Variants in NOS1AP observed in about 807,000 individuals in gnomAD.
The protein encoded by NOS1AP is nitric oxide synthase 1 adaptor protein.
NOS1AP carries 21 observed loss-of-function variants against 56.2 expected under a neutral mutation model. The observed-to-expected ratio is 0.37, with a 90% CI of 0.26 to 0.54. NOS1AP has a LOEUF of 0.54. Among genes scored for constraint, NOS1AP ranks in the 20% least tolerant of loss-of-function variants. The probability of loss-of-function intolerance (pLI) is 0.84; values close to 1 mark genes in which losing one functional copy is unlikely to be tolerated. For missense variants in NOS1AP, 522 were observed against 657.8 expected (o/e 0.79, Z 2.26); for synonymous variants, 270 against 274.6 (o/e 0.98, Z 0.17).
chr1:162,152,861 A>C (rs570423363), intron 1 of NOS1AP, among the ~76,000 whole-genome samples: 3 of 152,280 alleles, frequency 2.0e-5, no homozygotes, highest in African/African-American at 7.2e-5. Flanking sequence ...TCCCGCACAG[A>C]TGTCGCAGTC....
chr1:162,140,353 G>A (rs938051799), intron 1 of NOS1AP, among the ~76,000 whole-genome samples: 2 of 80,926 alleles, frequency 2.5e-5, no homozygotes, highest in Non-Finnish European at 6.2e-5. Context: ...TGTTACATGG[G>A]TATACCCAAT....
chr1:162,299,877 C>T (rs1048049369), intron 3 of NOS1AP, among the ~76,000 whole-genome samples: 2 of 152,086 alleles, frequency 1.3e-5, no homozygotes, highest in South Asian at 2.1e-4. Flanking sequence ...CCCCTAGTCC[C>T]GGTGGGGGCT....
At chr1:162,072,551 A>T (rs1371075589) in intron 1 of NOS1AP, among the ~76,000 whole-genome samples, 3 of 152,200 alleles carry the variant, frequency 2.0e-5, no homozygotes, top group African/African-American at 7.2e-5. Context: ...GGGACCAAGG[A>T]TCCTTCTTTG....
chr1:162,186,665 T>C (rs1408634307), intron 2 of NOS1AP, among the ~76,000 whole-genome samples: 2 of 152,186 alleles, frequency 1.3e-5, no homozygotes, highest in Admixed American at 6.5e-5. Context: ...TTCACTCTCT[T>C]GGCTGTGTGA....
chr1:162,296,241 C>G (rs141089622), intron 3 of NOS1AP, among the ~76,000 whole-genome samples: 1 of 152,088 alleles, frequency 6.6e-6, no homozygotes, highest in Non-Finnish European at 1.5e-5. Context: ...GAGCCGAGAT[C>G]GCGCCACTGC....
chr1:162,290,078 A>G (rs925779917), intron 3 of NOS1AP, among the ~76,000 whole-genome samples: 2 of 152,212 alleles, frequency 1.3e-5, no homozygotes, highest in Non-Finnish European at 2.9e-5. Context: ...AGGCTGGAGT[A>G]GCATCTCCCT....
intron 2 of NOS1AP, among the ~76,000 whole-genome samples, chr1:162,192,198 A>G (rs1651668858): frequency 6.6e-6 from 1 of 152,182 alleles, no homozygotes. Context: ...GTGTTTGACA[A>G]GCCCTCCAGG....
intron 2 of NOS1AP, among the ~76,000 whole-genome samples, chr1:162,163,803 C>T (rs1650345123): frequency 6.6e-6 from 1 of 152,094 alleles, no homozygotes; most frequent in Non-Finnish European, 1.5e-5. Flanking sequence ...GAGAATCACA[C>T]CTCAGGAGAA....
At chr1:162,135,027 CAACT>C (rs1409897386) in intron 1 of NOS1AP, among the ~76,000 whole-genome samples, 2 of 152,320 alleles carry the variant, frequency 1.3e-5, no homozygotes, top group African/African-American at 4.8e-5. Flanking sequence ...TCTATCCAAC[CAACT>C]ATTTATCCTT....
intron 1 of NOS1AP, among the ~76,000 whole-genome samples, chr1:162,145,612 G>T (rs1448685848): frequency 6.6e-6 from 1 of 152,156 alleles, no homozygotes; most frequent in Non-Finnish European, 1.5e-5. Flanking sequence ...GCTCAGCTGT[G>T]CACAAGAGCA....
chr1:162,156,839 T>C (rs1649997105), intron 2 of NOS1AP, among the ~76,000 whole-genome samples: 1 of 152,152 alleles, frequency 6.6e-6, no homozygotes, highest in South Asian at 2.1e-4. Flanking sequence ...AAATAGAACC[T>C]TGGGTGGGTT....
At chr1:162,271,394 T>C (rs1421537767) in intron 2 of NOS1AP, among the ~76,000 whole-genome samples, 1 of 151,978 alleles carries the variant, frequency 6.6e-6, no homozygotes, top group Non-Finnish European at 1.5e-5. Context: ...AAATAACTTA[T>C]GGAAAGAAAG....
intron 2 of NOS1AP, among the ~76,000 whole-genome samples, chr1:162,195,509 A>G (rs1259787315): frequency 6.6e-6 from 1 of 152,234 alleles, no homozygotes; most frequent in Non-Finnish European, 1.5e-5. Flanking sequence ...AAATAAATAC[A>G]TGATCAAAAT....
chr1:162,158,850 G>T (rs1650080357), intron 2 of NOS1AP, among the ~76,000 whole-genome samples: 1 of 152,212 alleles, frequency 6.6e-6, no homozygotes, highest in Non-Finnish European at 1.5e-5. Context: ...AGGATCCAAA[G>T]GTCTGAGAAG....
chr1:162,159,997 G>C (rs1038617437), intron 2 of NOS1AP, among the ~76,000 whole-genome samples: 1 of 152,184 alleles, frequency 6.6e-6, no homozygotes, highest in Non-Finnish European at 1.5e-5. Flanking sequence ...TGAGGCTGGA[G>C]ACTTGATTTC....
At chr1:162,077,866 C>A (rs935894688) in intron 1 of NOS1AP, among the ~76,000 whole-genome samples, 1 of 152,134 alleles carries the variant, frequency 6.6e-6, no homozygotes, top group Non-Finnish European at 1.5e-5. Flanking sequence ...AGTACTCCAC[C>A]CTCTGCAGTA....
At chr1:162,267,697 A>G (rs1444012278) in intron 2 of NOS1AP, among the ~76,000 whole-genome samples, 2 of 152,216 alleles carry the variant, frequency 1.3e-5, no homozygotes, top group African/African-American at 4.8e-5. Flanking sequence ...CAGGAATTTG[A>G]GGCTGCAGTG....
At chr1:162,216,946 G>A (rs1009806666) in intron 2 of NOS1AP, among the ~76,000 whole-genome samples, 1 of 152,166 alleles carries the variant, frequency 6.6e-6, no homozygotes, top group Non-Finnish European at 1.5e-5. Context: ...TTAAAGGTGG[G>A]CTCAGCACAT....
intron 2 of NOS1AP, among the ~76,000 whole-genome samples, chr1:162,225,493 G>A (rs1184557480): frequency 6.6e-6 from 1 of 152,176 alleles, no homozygotes; most frequent in Admixed American, 6.5e-5. Context: ...CTTCAGGTAG[G>A]TTGTGTAAAG....
Sources: gnomAD v4.1 joint callset for allele counts (sites outside exome capture counted in the v4.1 genomes callset) on GRCh38, gnomAD v4.1.1 for gene constraint, MANE v1.5 for transcripts, NCBI Gene and HGNC (gene_info 2026-07-23, HGNC 2026-07-21) for gene names.